The following EIF4G3 variants were observed in gnomAD, a reference collection of about 807,000 sequenced individuals.
EIF4G3 encodes eIF-4-gamma 3.
EIF4G3 carries 34 observed loss-of-function variants against 186.4 expected under a neutral mutation model. The ratio of observed to expected loss-of-function variants is 0.18; its 90% CI spans 0.14 to 0.24. The LOEUF (loss-of-function observed/expected upper bound fraction) is 0.24. EIF4G3 is among the 10% of genes least tolerant of loss of function. The pLI, the probability that EIF4G3 is intolerant of heterozygous loss-of-function variation, is 1.00. For missense variants in EIF4G3, 1,536 were observed against 1,948.5 expected (o/e 0.79, Z 3.99); for synonymous variants, 673 against 679.5 (o/e 0.99, Z 0.15).
At chr1:21,056,657 T>C (rs1485741062) in intron 3 of EIF4G3, among the ~76,000 whole-genome samples, 1 of 152,240 alleles carries the variant, frequency 6.6e-6, no homozygotes, top group African/African-American at 2.4e-5. Flanking sequence ...AGGGTTCTTC[T>C]CTCTTGGTAA....
At chr1:20,856,847 C>G (rs532635768) in intron 25 of EIF4G3, among the ~76,000 whole-genome samples, 4 of 152,246 alleles carry the variant, frequency 2.6e-5, no homozygotes, top group Non-Finnish European at 5.9e-5. Context: ...CTAGTCTTTT[C>G]CTCTTTAGTA....
intron 3 of EIF4G3, among the ~76,000 whole-genome samples, chr1:21,077,464 T>C (rs1451353292): frequency 6.8e-6 from 1 of 146,534 alleles, no homozygotes; most frequent in African/African-American, 2.5e-5. Context: ...AAAGAAGATA[T>C]ACAAATGGCT....
chr1:21,151,064 C>T (rs184421492), intron 2 of EIF4G3, among the ~76,000 whole-genome samples: 5 of 152,162 alleles, frequency 3.3e-5, no homozygotes, highest in Admixed American at 3.3e-4. Context: ...CAACCAGTAA[C>T]CACATGAACA....
intron 4 of EIF4G3, among the ~76,000 whole-genome samples, chr1:21,023,653 A>C (rs909517697): frequency 6.6e-6 from 1 of 151,862 alleles, no homozygotes; most frequent in Non-Finnish European, 1.5e-5. Context: ...CAAAGTGCCG[A>C]GATTGCAGCC....
chr1:21,069,238 G>T (rs2095366857), intron 3 of EIF4G3, among the ~76,000 whole-genome samples: 1 of 152,074 alleles, frequency 6.6e-6, no homozygotes, highest in Admixed American at 6.6e-5. Flanking sequence ...AGTTCATCTA[G>T]ATACCATCTT....
chr1:21,133,816 A>T (rs2097194758), intron 2 of EIF4G3, among the ~76,000 whole-genome samples: 1 of 152,052 alleles, frequency 6.6e-6, no homozygotes, highest in Non-Finnish European at 1.5e-5. Context: ...CACTTTATAT[A>T]CTCTAGTCCT....
intron 2 of EIF4G3, among the ~76,000 whole-genome samples, chr1:21,091,600 G>A (rs930619289): frequency 3.3e-5 from 5 of 152,002 alleles, no homozygotes; most frequent in African/African-American, 4.8e-5. Context: ...TTTTTTCCAC[G>A]ATATTGATTC....
At chr1:21,155,080 T>C (rs192143503) in intron 2 of EIF4G3, among the ~76,000 whole-genome samples, 17 of 151,752 alleles carry the variant, frequency 1.1e-4, no homozygotes, top group Admixed American at 3.3e-4. Context: ...CTGGCCAACA[T>C]AGAGAAACCC....
intron 3 of EIF4G3, among the ~76,000 whole-genome samples, chr1:21,087,779 G>A (rs1196115890): frequency 3.3e-5 from 5 of 152,036 alleles, no homozygotes; most frequent in Admixed American, 2.6e-4. Flanking sequence ...GACTACAGGC[G>A]CCCGCCACCA....
intron 2 of EIF4G3, among the ~76,000 whole-genome samples, chr1:21,151,849 T>G (rs1474693839): frequency 6.6e-6 from 1 of 152,086 alleles, no homozygotes; most frequent in East Asian, 1.9e-4. Flanking sequence ...CACAAGAAAC[T>G]CCTAGGTCAA....
chr1:21,012,313 C>A (rs1270164697), intron 4 of EIF4G3, among the ~76,000 whole-genome samples: 1 of 152,142 alleles, frequency 6.6e-6, no homozygotes, highest in Non-Finnish European at 1.5e-5. Flanking sequence ...CCTGCAACCT[C>A]ATGAGAAATT....
intron 3 of EIF4G3, among the ~76,000 whole-genome samples, chr1:21,083,872 C>T (rs965712611): frequency 1.3e-5 from 2 of 152,084 alleles, no homozygotes; most frequent in African/African-American, 4.8e-5. Context: ...ACAAAATACT[C>T]GTTCCTCATT....
At chr1:21,027,307 C>T (rs2092265051) in intron 4 of EIF4G3, among the ~76,000 whole-genome samples, 1 of 150,940 alleles carries the variant, frequency 6.6e-6, no homozygotes, top group African/African-American at 2.4e-5. Flanking sequence ...ATTCTCCTGC[C>T]TCAGCTTCCC....
At chr1:21,007,403 C>G (rs1427577380) in intron 4 of EIF4G3, among the ~76,000 whole-genome samples, 2 of 150,022 alleles carry the variant, frequency 1.3e-5, no homozygotes, top group Non-Finnish European at 3.0e-5. Context: ...CATCTCAAAA[C>G]AAAAAACTGT....
At chr1:20,838,348 A>G (rs925322153) in intron 30 of EIF4G3, among the ~76,000 whole-genome samples, 1 of 152,240 alleles carries the variant, frequency 6.6e-6, no homozygotes, top group African/African-American at 2.4e-5. Context: ...TATCATTTCC[A>G]GAATTTTCTG....
At chr1:20,864,943 C>G (rs2077228707) in intron 21 of EIF4G3, among the ~76,000 whole-genome samples, 173 bp downstream of exon 21, 1 of 151,976 alleles carries the variant, frequency 6.6e-6, no homozygotes, top group Non-Finnish European at 1.5e-5. Context: ...CTATATTAGG[C>G]ACTAAAAGGA....
At chr1:21,133,099 T>C (rs1337076885) in intron 2 of EIF4G3, among the ~76,000 whole-genome samples, 2 of 152,076 alleles carry the variant, frequency 1.3e-5, no homozygotes, top group African/African-American at 4.8e-5. Flanking sequence ...TTTTTCATTA[T>C]GAACATTTAC....
chr1:20,900,523 AAAGAG>A (rs759158763), intron 15 of EIF4G3, among the ~76,000 whole-genome samples: 1,626 of 151,800 alleles, frequency 0.011, 12 homozygotes, highest in Admixed American at 0.027. Flanking sequence ...AAAAAAAAAA[AAAGAG>A]AGAGAGAGAA....
intron 32 of EIF4G3, among the ~76,000 whole-genome samples, chr1:20,826,220 G>A (rs2063572195): frequency 6.6e-6 from 1 of 152,192 alleles, no homozygotes; most frequent in South Asian, 2.1e-4. Context: ...AGGTTGAAAT[G>A]CAGTGGCACA....
Sources: allele counts gnomAD v4.1 joint callset (sites outside exome capture counted in the v4.1 genomes callset), GRCh38; gene constraint gnomAD v4.1.1; transcripts MANE v1.5; gene names NCBI Gene and HGNC (gene_info 2026-07-23, HGNC 2026-07-21).